The following SNRPD3 variants were observed in gnomAD, a reference collection of about 807,000 sequenced individuals.
SNRPD3 encodes the protein small nuclear ribonucleoprotein Sm D3.
For synonymous variants in SNRPD3, 66 were observed against 58.4 expected, an observed-to-expected ratio of 1.13 and a Z score of -0.59; for missense variants, 73 against 167.5, an observed-to-expected ratio of 0.44 and a Z score of 3.11.
chr22:24,555,720 T>A (rs1211279796), upstream of SNRPD3: 2 of 1,550,676 alleles, frequency 1.3e-6, no homozygotes, highest in Admixed American at 2.0e-5. Flanking sequence ...CGTCTCCGCC[T>A]TGCCGTCCAG....
At chr22:24,566,449 A>ATG (rs1253999486) in intron 2 of SNRPD3, among the ~76,000 whole-genome samples, 2 of 151,996 alleles carry the variant, frequency 1.3e-5, no homozygotes, top group Non-Finnish European at 2.9e-5. Context: ...TTTTGTAGAG[A>ATG]TGAGGTCTCA....
At chr22:24,570,082 T>C (rs1390736578) in intron 3 of SNRPD3, among the ~76,000 whole-genome samples, 1 of 152,238 alleles carries the variant, frequency 6.6e-6, no homozygotes, top group African/African-American at 2.4e-5. Flanking sequence ...GATCTAACAC[T>C]AATAGACGGG....
At chr22:24,567,018 C>G (rs992522133) in intron 2 of SNRPD3, among the ~76,000 whole-genome samples, 4 of 152,210 alleles carry the variant, frequency 2.6e-5, no homozygotes, top group Non-Finnish European at 4.4e-5. Context: ...CCTGTAGGCT[C>G]CTGCCCAAGT....
In SNRPD3 at chr22:24,572,371, C is replaced by G; in HGVS notation, c.*394C>G. 1 of 538,432 alleles carries G rather than the reference C, an allele frequency of 1.9e-6. No individual in the cohort carries two copies. The highest frequency in any genetic ancestry group is 3.2e-5 in the East Asian group (1 of 30,912). The allele number at this position is 538,432 out of a possible 1,614,324, so 33.4% of individuals were successfully genotyped here. A position where few individuals can be genotyped will look rare whatever the true frequency, so the allele number is the denominator to read the frequency against. On this transcript the variant is annotated 3_prime_UTR_variant, in exon 4 of 4. Transcript: ENST00000215829. ...ATTGTGTCTCATTCATCTTCAGACA[C>G]AGGCACATAGTGTGGCACTTTGTTC...
intron 2 of SNRPD3, among the ~76,000 whole-genome samples, chr22:24,563,206 ATGTGTG>A (rs1177387267): frequency 3.8e-5 from 4 of 106,142 alleles, no homozygotes; most frequent in Admixed American, 9.0e-5. Flanking sequence ...TGTCTCATAT[ATGTGTG>A]TGTGTGTGTG....
chr22:24,562,453 A>C (rs1484761249), intron 2 of SNRPD3, among the ~76,000 whole-genome samples: 1 of 152,130 alleles, frequency 6.6e-6, no homozygotes, highest in Admixed American at 6.5e-5. Flanking sequence ...CTGAGGCAGG[A>C]GAATGGCGTG....
upstream of SNRPD3, chr22:24,555,941 G>A (rs907615662): frequency 1.8e-6 from 2 of 1,093,480 alleles, no homozygotes; most frequent in Non-Finnish European, 2.6e-6. Context: ...AAAGGAAGGA[G>A]GCGGGCCCTG....
chr22:24,560,361 A>G (rs963515183), intron 2 of SNRPD3, among the ~76,000 whole-genome samples: 11 of 144,750 alleles, frequency 7.6e-5, no homozygotes, highest in African/African-American at 2.8e-4. Flanking sequence ...TGACCTTGTG[A>G]TCTGCTCGCC....
chr22:24,567,004 A>G (rs1025698025), intron 2 of SNRPD3, among the ~76,000 whole-genome samples: 2 of 152,198 alleles, frequency 1.3e-5, no homozygotes, highest in Non-Finnish European at 1.5e-5. Context: ...TCTGGTCCTC[A>G]CATCCTGTAG....
chr22:24,564,328 T>C (rs1242715523), intron 2 of SNRPD3, among the ~76,000 whole-genome samples: 1 of 152,168 alleles, frequency 6.6e-6, no homozygotes, highest in Non-Finnish European at 1.5e-5. Context: ...ATTCTCTCTC[T>C]CCCCCTCAGG....
chr22:24,571,997 C>T lies in SNRPD3; in HGVS notation c.*20C>T. 6.2e-7 allele frequency: 1 copy of T among 1,613,626 alleles called. No homozygotes were observed. Among genetic ancestry groups the T allele is most frequent in the Non-Finnish European group, 8.5e-7 (1 of 1,179,592 alleles). On this transcript the variant is annotated 3_prime_UTR_variant, in exon 4 of 4. Coordinates refer to ENST00000215829, the MANE Select transcript of SNRPD3 (RefSeq NM_004175.5). ...AGATAATTTTCTAAGTTGAACAGAA[C>T]TTTGTCCTTTTTTCTTTCAGGTTAT...
At chr22:24,571,240 A>G (rs959526510) in intron 3 of SNRPD3, among the ~76,000 whole-genome samples, 6 of 152,228 alleles carry the variant, frequency 3.9e-5, no homozygotes, top group African/African-American at 1.4e-4. Flanking sequence ...CAGTGCATCT[A>G]TAATGTTTTT....
chr22:24,555,859 T>C, upstream of SNRPD3: 5 of 1,532,196 alleles, frequency 3.3e-6, no homozygotes, highest in Non-Finnish European at 4.4e-6. Flanking sequence ...ACTATCGTAC[T>C]GGTGCCCTAG....
chr22:24,563,986 T>C (rs763511823), intron 2 of SNRPD3, among the ~76,000 whole-genome samples: 6 of 97,040 alleles, frequency 6.2e-5, no homozygotes, highest in Non-Finnish European at 1.0e-4. Flanking sequence ...GCCCTCTAGG[T>C]TGAAGGAAAA....
chr22:24,566,128 G>A (rs2045194572), intron 2 of SNRPD3, among the ~76,000 whole-genome samples: 1 of 152,156 alleles, frequency 6.6e-6, no homozygotes, highest in Non-Finnish European at 1.5e-5. Flanking sequence ...ATAACAGGCT[G>A]GGAGTGAGGA....
intron 2 of SNRPD3, among the ~76,000 whole-genome samples, chr22:24,559,647 C>T (rs181027326): frequency 2.6e-5 from 4 of 152,098 alleles, no homozygotes; most frequent in African/African-American, 7.2e-5. Flanking sequence ...TGACTTGGGG[C>T]GAGCTTAGCT....
chr22:24,570,682 C>CA (rs888550252), intron 3 of SNRPD3, among the ~76,000 whole-genome samples: 141 of 150,294 alleles, frequency 9.4e-4, no homozygotes, highest in African/African-American at 1.2e-3. Flanking sequence ...GACTCCATCT[C>CA]AAAAAAAAAG....
At chr22:24,569,170 AG>A (rs1436068770) in intron 3 of SNRPD3, among the ~76,000 whole-genome samples, 2 of 152,164 alleles carry the variant, frequency 1.3e-5, no homozygotes, top group African/African-American at 4.8e-5. Context: ...GCATGTACTT[AG>A]GGAGGTCTGA....
chr22:24,557,144 C>G (rs1412456251), intron 1 of SNRPD3, among the ~76,000 whole-genome samples: 1 of 152,120 alleles, frequency 6.6e-6, no homozygotes, highest in African/African-American at 2.4e-5. Flanking sequence ...GATTGAGGGA[C>G]TGGGTTTTTT....
Sources: allele counts gnomAD v4.1 joint callset (sites outside exome capture counted in the v4.1 genomes callset), GRCh38; gene constraint gnomAD v4.1.1; transcripts MANE v1.5; gene names NCBI Gene and HGNC (gene_info 2026-07-23, HGNC 2026-07-21).